NOP2: variants seen among roughly 807,000 people sequenced by gnomAD.
NOP2 encodes the protein 28S rRNA (cytosine(4447)-C(5))-methyltransferase.
A neutral mutation model predicts 72.7 loss-of-function variants in NOP2; 7 were observed. The ratio of observed to expected loss-of-function variants is 0.10; its 90% CI spans 0.05 to 0.18. The LOEUF (loss-of-function observed/expected upper bound fraction) is 0.18, where lower values mean the gene tolerates loss of function less well. NOP2 is among the 10% of genes least tolerant of loss of function. The pLI is 1.00. For missense variants in NOP2, 954 were observed against 1,014.7 expected (o/e 0.94, Z 0.81); for synonymous variants, 387 against 388.0 (o/e 1.00, Z 0.03).
At position 6,557,578 on chromosome 12, in the gene NOP2, G is replaced by T; in HGVS notation, c.1854C>A (p.Asn618Lys). 2 of 1,613,878 alleles carry T rather than the reference G, an allele frequency of 1.2e-6. No homozygotes were observed. Among genetic ancestry groups the T allele is most frequent in the South Asian group, 1.1e-5 (1 of 91,070 alleles). Residue 618 changes from asparagine (N) to lysine (K), a missense_variant, in exon 16 of 16, where the codon AAC becomes AAA. Transcript: ENST00000322166. The stretch of plus-strand genomic sequence containing the variant: ...TGGCTTTCTTGGCTGGCTGGCTGCT[G>T]TTCTCAGACTTGGGGATGACCTGAG... ...DLPQVIPKSE[N>K]SSQPAKKAKG...
intron 4 of NOP2, 41 bp downstream of exon 4, chr12:6,566,488 A>C: frequency 6.3e-7 from 1 of 1,588,490 alleles, no homozygotes; most frequent in Non-Finnish European, 8.6e-7. Context: ...CAGGACCCAA[A>C]GGGACTCCTC....
At chr12:6,565,267 C>T (rs1197474036) in intron 5 of NOP2, among the ~76,000 whole-genome samples, 2 of 151,958 alleles carry the variant, frequency 1.3e-5, no homozygotes, top group Non-Finnish European at 2.9e-5. Context: ...CATCTTCCCG[C>T]TTCAGCATCC....
intron 15 of NOP2, among the ~76,000 whole-genome samples, chr12:6,558,864 CTATT>C (rs1947575304): frequency 6.6e-6 from 1 of 152,094 alleles, no homozygotes; most frequent in Non-Finnish European, 1.5e-5. Context: ...CACACCTGGC[CTATT>C]TATTTTTTAA....
At chr12:6,567,535 A>T (rs1947815092) in intron 2 of NOP2, 1 of 315,084 alleles carries the variant, frequency 3.2e-6, no homozygotes, top group Non-Finnish European at 5.8e-6. Context: ...CTTAACAAAA[A>T]CTTTTACAGT....
intron 5 of NOP2, among the ~76,000 whole-genome samples, chr12:6,564,754 T>C (rs1223262849): frequency 6.6e-6 from 1 of 151,468 alleles, no homozygotes; most frequent in Non-Finnish European, 1.5e-5. Context: ...TTTTTTTTTT[T>C]ACTTACTCTG....
In NOP2 at chr12:6,557,329, T is replaced by G; in HGVS notation, c.2103A>C (p.Arg701=). Residue 701 remains arginine (R), a synonymous_variant, in exon 16 of 16, where the codon CGA becomes CGC. Transcript: ENST00000322166. ...EPKVTGKLKQ[R]SPKLQSSKKV... is the part of the protein sequence containing the mutation. ...TCTTGGAGGACTGTAATTTAGGTGA[T>G]CGTTGCTTTAGCTTCCCAGTCACCT... 1 of 1,614,026 alleles carries G rather than the reference T, an allele frequency of 6.2e-7. No homozygotes were observed. Among genetic ancestry groups the G allele is most frequent in the Non-Finnish European group, 8.5e-7 (1 of 1,179,904 alleles).
In NOP2 at chr12:6,567,906, A is replaced by G. The variant is rs1947825365; in HGVS notation, c.13T>C (p.Leu5=). 1 of 1,613,974 alleles carries G rather than the reference A, an allele frequency of 6.2e-7. No individual in the cohort carries two copies. The highest frequency in any genetic ancestry group is 2.2e-5 in the East Asian group (1 of 44,878). The change falls in exon 2 of 16, where the codon TTG becomes CTG. Residue 5 remains leucine (L), a synonymous_variant. Coordinates refer to ENST00000322166, the MANE Select transcript of NOP2 (RefSeq NM_001258308.2). ...CCCCGCTTCTCCTTCGTAGGGTCCA[A>G]CTTGCGCCCCATGGTACTGTGGCAG... is the stretch of plus-strand genomic sequence containing the variant. MGRK[L]DPTKEKRGPG... is the part of the protein sequence containing the mutation.
chr12:6,560,860 T>C lies in NOP2; in HGVS notation c.1347+71A>G. On this transcript the variant is annotated intron_variant, in intron 12 of 15. Coordinates refer to ENST00000322166, the MANE Select transcript of NOP2 (RefSeq NM_001258308.2). This position sits in a 1 kb window ranked among gnomAD's most constrained non-coding sequence, Gnocchi z 5.0. ...GGGCAATATTTACTAGGGTCGAGTC[T>C]AAACATTGAGGTCAGGAAGGGAGAA... 6.2e-7 allele frequency: 1 copy of C among 1,610,190 alleles called. No homozygotes were observed. Among genetic ancestry groups the C allele is most frequent in the South Asian group, 1.1e-5 (1 of 90,568 alleles).
At chr12:6,566,732 A>T in intron 3 of NOP2, 45 bp downstream of exon 3, 3 of 1,598,156 alleles carry the variant, frequency 1.9e-6, no homozygotes, top group Non-Finnish European at 2.6e-6. Flanking sequence ...GTCAAAGATG[A>T]GCAGTACCAA....
intron 2 of NOP2, 130 bp downstream of exon 2, chr12:6,567,686 T>C (rs1343590397): frequency 1.4e-6 from 1 of 692,792 alleles, no homozygotes; most frequent in Non-Finnish European, 2.4e-6. Context: ...GTTTCATTCA[T>C]ACCTCCTAGT....
Position 6,563,785 on chromosome 12 carries a change from C to G in NOP2, c.531-14G>C. 6.2e-7 allele frequency: 1 copy of G among 1,613,060 alleles called. No homozygotes were observed. Among genetic ancestry groups the G allele is most frequent in the Non-Finnish European group, 8.5e-7 (1 of 1,179,448 alleles). On this transcript the variant is annotated splice_polypyrimidine_tract_variant and intron_variant, in intron 6 of 15. Coordinates refer to ENST00000322166, the MANE Select transcript of NOP2 (RefSeq NM_001258308.2). ...CTCCACTGGATCCTAGAAACAGGTCCAGGAACAGAGTGATTCACAGACCAA... is the reference window on the plus strand; with the variant it reads ...CTCCACTGGATCCTAGAAACAGGTCGAGGAACAGAGTGATTCACAGACCAA...
At chr12:6,558,771 G>C (rs1035665542) in intron 15 of NOP2, among the ~76,000 whole-genome samples, 4 of 151,538 alleles carry the variant, frequency 2.6e-5, no homozygotes, top group African/African-American at 9.7e-5. Flanking sequence ...TTGTTGCCCA[G>C]ACAGGTCTCA....
intron 1 of NOP2, 46 bp from the exon 2 acceptor site, chr12:6,567,968 G>A (rs550319107): frequency 1.4e-6 from 2 of 1,471,316 alleles, no homozygotes; most frequent in African/African-American, 1.4e-5. Flanking sequence ...GCGTGTCGGA[G>A]GGAACGGCAG....
Position 6,567,937 on chromosome 12 carries a change from A to T in NOP2, c.-4-15T>A. 1.2e-6 allele frequency: 2 copies of T among 1,602,902 alleles called. No individual in the cohort carries two copies. The highest frequency in any genetic ancestry group is 1.7e-6 in the Non-Finnish European group (2 of 1,171,036). ...GCCCCATGGTACTGTGGCAGGCAGA[A>T]ATGGGAGAAGGTGGCGTCGCGCGTG... is the stretch of plus-strand genomic sequence containing the variant. On this transcript the variant is annotated splice_polypyrimidine_tract_variant and intron_variant, in intron 1 of 15. Coordinates refer to ENST00000322166, the MANE Select transcript of NOP2 (RefSeq NM_001258308.2).
intron 5 of NOP2, among the ~76,000 whole-genome samples, chr12:6,565,530 G>C (rs1360066308): frequency 6.6e-6 from 1 of 151,846 alleles, no homozygotes; most frequent in African/African-American, 2.4e-5. Context: ...AGTAGGGATG[G>C]GGTTTCGCCA....
At position 6,560,623 on chromosome 12, in the gene NOP2, GGTGTCCCCATCTCA is replaced by G; in HGVS notation, c.1437+61_1438-55del. The G allele has an allele frequency of 6.2e-7, 1 of 1,608,418 alleles. No individual in the cohort carries two copies. Among genetic ancestry groups the G allele is most frequent in the Non-Finnish European group, 8.5e-7 (1 of 1,176,012 alleles). Reference sequence around the variant, plus strand: ...CTCAGGAGGAGAGGGGAGCCCAGAGGGTGTCCCCATCTCAGTTTCCAGCTCTACGAGACCCAGCC... The same window carrying G: ...CTCAGGAGGAGAGGGGAGCCCAGAGGGTTTCCAGCTCTACGAGACCCAGCC... On this transcript the variant is annotated intron_variant, in intron 13 of 15. Transcript: ENST00000322166. The surrounding 1 kb of genome is among the most constrained non-coding windows in gnomAD (Gnocchi z 5.0).
At position 6,563,961 on chromosome 12, in the gene NOP2, G is replaced by C. The variant is rs376595701; in HGVS notation, c.475-15C>G. ...ATGGGCAGCAACTGAAGAGAGACAA[G>C]GGCTATTAATACAGGCCTGCCCTTC... On this transcript the variant is annotated splice_polypyrimidine_tract_variant and intron_variant, in intron 5 of 15. Transcript: ENST00000322166. 6 of 1,611,934 alleles carry C rather than the reference G, an allele frequency of 3.7e-6. No homozygotes were observed. The highest frequency in any genetic ancestry group is 1.3e-5 in the African/African-American group (1 of 74,864).
rs767235564 is a variant in NOP2 at position 6,557,331 on chromosome 12, G to A, written c.2101C>T (p.Arg701Ter). The A allele has an allele frequency of 9.3e-6, 15 of 1,613,978 alleles. No homozygotes were observed. The highest frequency in any genetic ancestry group is 2.2e-5 in the South Asian group (2 of 91,088). The change falls in exon 16 of 16, where the codon CGA becomes TGA. Residue 701 changes from arginine to a stop codon, truncating the protein, a stop_gained. Coordinates refer to ENST00000322166, the MANE Select transcript of NOP2 (RefSeq NM_001258308.2). LOFTEE classifies it low-confidence loss of function (END_TRUNC). ...EPKVTGKLKQ[R>*]SPKLQSSKKV... ...TTGGAGGACTGTAATTTAGGTGATC[G>A]TTGCTTTAGCTTCCCAGTCACCTTT...
intron 15 of NOP2, chr12:6,558,042 G>A (rs1223146628): frequency 2.9e-6 from 1 of 348,644 alleles, no homozygotes; most frequent in East Asian, 1.0e-4. Context: ...TTGGGAGTCT[G>A]AGGCACAAGA....
Sources: allele counts gnomAD v4.1 joint callset (sites outside exome capture counted in the v4.1 genomes callset), GRCh38; gene constraint gnomAD v4.1.1; non-coding constraint Gnocchi (gnomAD v3.1); transcripts MANE v1.5; gene names NCBI Gene and HGNC (gene_info 2026-07-23, HGNC 2026-07-21).